SGCZ: variants seen among roughly 807,000 people sequenced by gnomAD.
The protein encoded by SGCZ is sarcoglycan zeta.
In SGCZ, 40 loss-of-function variants were observed where a neutral mutation model predicts 41.3. The ratio of observed to expected loss-of-function variants is 0.97; its 90% CI spans 0.75 to 1.26. The LOEUF (loss-of-function observed/expected upper bound fraction) is 1.26, where lower values mean the gene tolerates loss of function less well. SGCZ is among the 50% of genes most tolerant of loss of function. SGCZ has a pLI of 0.00. For missense variants in SGCZ, 552 were observed against 369.8 expected (o/e 1.49, Z -4.04); for synonymous variants, 206 against 137.5 (o/e 1.50, Z -3.49).
chr8:14,943,796 G>C (rs1800355160), intron 1 of SGCZ, among the ~76,000 whole-genome samples: 1 of 152,028 alleles, frequency 6.6e-6, no homozygotes, highest in African/African-American at 2.4e-5. Flanking sequence ...TATTCTCATG[G>C]TTTAGCTCCC....
At chr8:14,766,523 ATACT>A (rs554030302) in intron 1 of SGCZ, among the ~76,000 whole-genome samples, 2 of 152,096 alleles carry the variant, frequency 1.3e-5, no homozygotes, top group East Asian at 1.9e-4. Flanking sequence ...AAAGACAATA[ATACT>A]TAATCCATTT....
chr8:14,285,775 C>A (rs2116930339), intron 3 of SGCZ, among the ~76,000 whole-genome samples: 1 of 152,124 alleles, frequency 6.6e-6, no homozygotes, highest in Non-Finnish European at 1.5e-5. Context: ...GTACGAGAAA[C>A]AAATAGCTCA....
chr8:14,589,247 G>C (rs894300362), intron 1 of SGCZ, among the ~76,000 whole-genome samples: 1 of 151,026 alleles, frequency 6.6e-6, no homozygotes, highest in African/African-American at 2.4e-5. Context: ...TTGGGAGGCT[G>C]AGGCAGGAGA....
At chr8:14,458,347 A>G (rs1461373673) in intron 2 of SGCZ, among the ~76,000 whole-genome samples, 1 of 152,210 alleles carries the variant, frequency 6.6e-6, no homozygotes, top group African/African-American at 2.4e-5. Context: ...CATAATGCCA[A>G]AGACAAAAAT....
chr8:14,174,432 T>C (rs562572302), intron 4 of SGCZ, among the ~76,000 whole-genome samples: 78 of 152,210 alleles, frequency 5.1e-4, no homozygotes, highest in African/African-American at 1.8e-3. Flanking sequence ...ATCATACATG[T>C]ACTTCTAATT....
intron 3 of SGCZ, among the ~76,000 whole-genome samples, chr8:14,247,435 G>A (rs1156230444): frequency 6.6e-6 from 1 of 152,072 alleles, no homozygotes; most frequent in Non-Finnish European, 1.5e-5. Flanking sequence ...GGGAATCTGG[G>A]GTAATCTATC....
At chr8:15,129,813 A>T (rs549635279) in intron 1 of SGCZ, among the ~76,000 whole-genome samples, 1 of 152,098 alleles carries the variant, frequency 6.6e-6, no homozygotes, top group African/African-American at 2.4e-5. Context: ...CAAATGACAT[A>T]GAAAATTAGC....
At chr8:14,977,606 G>C (rs1801519803) in intron 1 of SGCZ, among the ~76,000 whole-genome samples, 1 of 151,856 alleles carries the variant, frequency 6.6e-6, no homozygotes, top group Non-Finnish European at 1.5e-5. Flanking sequence ...TTTACATTTA[G>C]AATACAGGAA....
At chr8:14,926,398 C>T (rs959270653) in intron 1 of SGCZ, among the ~76,000 whole-genome samples, 5 of 152,038 alleles carry the variant, frequency 3.3e-5, no homozygotes, top group Non-Finnish European at 5.9e-5. Flanking sequence ...GTTAAAAATT[C>T]ATATTCTTTG....
At chr8:15,086,895 T>C (rs1164017688) in intron 1 of SGCZ, among the ~76,000 whole-genome samples, 1 of 152,148 alleles carries the variant, frequency 6.6e-6, no homozygotes, top group Non-Finnish European at 1.5e-5. Flanking sequence ...TATCTTACCT[T>C]GTACATTTCA....
intron 1 of SGCZ, among the ~76,000 whole-genome samples, chr8:14,577,777 T>G (rs939104180): frequency 1.5e-4 from 23 of 152,230 alleles, no homozygotes; most frequent in African/African-American, 5.3e-4. Context: ...TATCTGAATT[T>G]CGTGCATCCA....
chr8:14,505,154 C>T (rs1363601919), intron 2 of SGCZ, among the ~76,000 whole-genome samples: 1 of 151,998 alleles, frequency 6.6e-6, no homozygotes, highest in Non-Finnish European at 1.5e-5. Flanking sequence ...ATCCACCCAT[C>T]CCAAAAATTA....
intron 1 of SGCZ, among the ~76,000 whole-genome samples, chr8:14,840,195 A>G (rs62493317): frequency 0.22 from 33,460 of 151,976 alleles, 3,872 homozygotes; most frequent in Admixed American, 0.33. Flanking sequence ...TTCCTGCTTA[A>G]GGGATTTTTA....
intron 1 of SGCZ, among the ~76,000 whole-genome samples, chr8:14,713,546 T>C (rs1053421807): frequency 3.3e-5 from 5 of 152,076 alleles, no homozygotes; most frequent in African/African-American, 1.2e-4. Flanking sequence ...CAAATGAGGG[T>C]TGAACTAATC....
chr8:14,330,387 A>G (rs1018566071), intron 2 of SGCZ, among the ~76,000 whole-genome samples: 5 of 152,110 alleles, frequency 3.3e-5, no homozygotes, highest in Non-Finnish European at 7.4e-5. Flanking sequence ...AATTACTAAA[A>G]TTTATAGAAT....
intron 1 of SGCZ, among the ~76,000 whole-genome samples, chr8:14,687,171 A>ATATAT (rs1554480727): frequency 3.5e-5 from 5 of 141,328 alleles, no homozygotes; most frequent in Admixed American, 7.1e-5. Flanking sequence ...AGAAAAAAAA[A>ATATAT]ATATATATAT....
intron 2 of SGCZ, among the ~76,000 whole-genome samples, chr8:14,456,222 A>G (rs1800739147): frequency 6.6e-6 from 1 of 152,146 alleles, no homozygotes; most frequent in Non-Finnish European, 1.5e-5. Flanking sequence ...CATCCTGACC[A>G]ACATAGTGAA....
chr8:14,765,227 C>A (rs867893544), intron 1 of SGCZ, among the ~76,000 whole-genome samples: 1 of 152,108 alleles, frequency 6.6e-6, no homozygotes, highest in Non-Finnish European at 1.5e-5. Flanking sequence ...TTTAATGGAG[C>A]AATAACCATC....
At chr8:14,180,418 T>C (rs1804684320) in intron 4 of SGCZ, among the ~76,000 whole-genome samples, 2 of 152,206 alleles carry the variant, frequency 1.3e-5, no homozygotes, top group South Asian at 2.1e-4. Flanking sequence ...AACCACCATA[T>C]GGGGACCCCA....
Sources: gnomAD v4.1 joint callset for allele counts (sites outside exome capture counted in the v4.1 genomes callset) on GRCh38, gnomAD v4.1.1 for gene constraint, MANE v1.5 for transcripts, NCBI Gene and HGNC (gene_info 2026-07-23, HGNC 2026-07-21) for gene names.